The following ITFG1 variants were observed in gnomAD, a reference collection of about 807,000 sequenced individuals.
ITFG1 encodes the protein T-cell immunomodulatory protein.
ITFG1 carries 34 observed loss-of-function variants against 81.8 expected under a neutral mutation model. The observed-to-expected ratio is 0.42, with a 90% CI of 0.32 to 0.55. The LOEUF (loss-of-function observed/expected upper bound fraction) is 0.55, where lower values mean the gene tolerates loss of function less well. Among genes scored for constraint, ITFG1 ranks in the 20% least tolerant of loss-of-function variants. The pLI is 0.17. For synonymous variants in ITFG1, 285 were observed against 270.6 expected, an observed-to-expected ratio of 1.05 and a Z score of -0.52; for missense variants, 672 against 755.4, an observed-to-expected ratio of 0.89 and a Z score of 1.29.
chr16:47,414,557 A>G (rs910573328), intron 6 of ITFG1, among the ~76,000 whole-genome samples: 4 of 151,922 alleles, frequency 2.6e-5, no homozygotes, highest in African/African-American at 9.7e-5. Context: ...AAAACAAACA[A>G]CAACAACAAC....
At chr16:47,412,087 T>C (rs1968818365) in intron 6 of ITFG1, among the ~76,000 whole-genome samples, 2 of 151,780 alleles carry the variant, frequency 1.3e-5, no homozygotes, top group African/African-American at 2.4e-5. Flanking sequence ...TCAAGGGAAA[T>C]ACAGAACATA....
At chr16:47,409,705 C>T (rs1210338372) in intron 6 of ITFG1, among the ~76,000 whole-genome samples, 2 of 151,400 alleles carry the variant, frequency 1.3e-5, no homozygotes, top group Non-Finnish European at 2.9e-5. Context: ...GCGTGAGCCA[C>T]TGCACCTGAC....
intron 6 of ITFG1, among the ~76,000 whole-genome samples, chr16:47,409,506 C>T (rs1476456334): frequency 2.1e-5 from 3 of 143,200 alleles, no homozygotes; most frequent in Non-Finnish European, 4.5e-5. Flanking sequence ...ACCTCCACCT[C>T]CTGGGTTCAA....
chr16:47,326,603 G>T (rs1272712159), intron 8 of ITFG1, among the ~76,000 whole-genome samples: 1 of 152,134 alleles, frequency 6.6e-6, no homozygotes, highest in Admixed American at 6.5e-5. Context: ...ATCTCCTTAA[G>T]CTGATAAGCA....
chr16:47,318,285 TTAA>T (rs1422960566), intron 8 of ITFG1, among the ~76,000 whole-genome samples: 3 of 152,222 alleles, frequency 2.0e-5, no homozygotes, highest in African/African-American at 7.2e-5. Context: ...AATTTCTGAC[TTAA>T]TAATCTTTGA....
Position 47,211,299 on chromosome 16 carries a change from AT to A in ITFG1, c.1453+7568del, listed in dbSNP as rs1965558162. Among the ~76,000 whole-genome samples the A allele has an allele frequency of 2.0e-5, 3 of 152,314 alleles. No individual in the cohort carries two copies. The South Asian group carries it at 6.2e-4, about 32-fold the overall frequency. ...TTTGAGTGATTGAGAATAGAAATGT[AT>A]TTTTAATTTTGGTGTCTATGTATCC... On this transcript the variant is annotated intron_variant, in intron 14 of 17. Transcript: ENST00000320640.
intron 12 of ITFG1, among the ~76,000 whole-genome samples, chr16:47,248,663 G>GT (rs1347452848): frequency 6.6e-6 from 1 of 152,098 alleles, no homozygotes; most frequent in Non-Finnish European, 1.5e-5. Context: ...CTTCAGTTAG[G>GT]TTAAAAACAA....
intron 14 of ITFG1, chr16:47,202,065 T>C (rs1006921743): frequency 3.3e-5 from 5 of 152,256 alleles, no homozygotes; most frequent in African/African-American, 1.2e-4. Context: ...CATGCAGGGC[T>C]AACTCATAGG....
chr16:47,252,626 C>T (rs1966090670), intron 12 of ITFG1, among the ~76,000 whole-genome samples: 1 of 152,200 alleles, frequency 6.6e-6, no homozygotes, highest in African/African-American at 2.4e-5. Context: ...AGGTCCCCGT[C>T]TTCATGTAAG....
intron 8 of ITFG1, among the ~76,000 whole-genome samples, chr16:47,354,632 G>C (rs1186536804): frequency 6.6e-6 from 1 of 151,872 alleles, no homozygotes; most frequent in Non-Finnish European, 1.5e-5. Flanking sequence ...AAATGGAAAA[G>C]GTATTTGCAA....
At chr16:47,193,129 A>G (rs541125058) in intron 14 of ITFG1, among the ~76,000 whole-genome samples, 2 of 151,708 alleles carry the variant, frequency 1.3e-5, no homozygotes, top group South Asian at 4.2e-4. Context: ...ACAACTTCCA[A>G]CCTCTTTACA....
At chr16:47,396,524 TTGTG>T (rs59625674) in intron 6 of ITFG1, among the ~76,000 whole-genome samples, 12 of 149,208 alleles carry the variant, frequency 8.0e-5, no homozygotes, top group East Asian at 3.9e-4. Context: ...AATAATTATT[TTGTG>T]TGTGTGTGTG....
chr16:47,169,536 G>C (rs1383574925), intron 14 of ITFG1, among the ~76,000 whole-genome samples: 2 of 151,500 alleles, frequency 1.3e-5, no homozygotes, highest in Non-Finnish European at 2.9e-5. Context: ...TGTTGATCTT[G>C]TTCCCTATAA....
intron 6 of ITFG1, among the ~76,000 whole-genome samples, chr16:47,426,709 T>C (rs1216882939): frequency 5.9e-5 from 9 of 151,978 alleles, no homozygotes; most frequent in Non-Finnish European, 1.5e-5. Flanking sequence ...GCACTAAATA[T>C]TTTTAACTTT....
intron 8 of ITFG1, among the ~76,000 whole-genome samples, chr16:47,354,257 A>G (rs1415247418): frequency 6.6e-6 from 1 of 152,186 alleles, no homozygotes; most frequent in Non-Finnish European, 1.5e-5. Flanking sequence ...ATGCATCTAC[A>G]GCCAGCTGAT....
chr16:47,236,474 C>CAAAA (rs68028486), intron 13 of ITFG1, among the ~76,000 whole-genome samples: 1 of 52,292 alleles, frequency 1.9e-5, no homozygotes. Context: ...GACTCCATCT[C>CAAAA]AAAAAAAAAA....
At chr16:47,452,102 T>C (rs1969396722) in intron 4 of ITFG1, among the ~76,000 whole-genome samples, 1 of 152,210 alleles carries the variant, frequency 6.6e-6, no homozygotes, top group Non-Finnish European at 1.5e-5. Context: ...GATTAATCCA[T>C]GGATTTACAG....
At chr16:47,246,921 A>G (rs2151537329) in intron 12 of ITFG1, among the ~76,000 whole-genome samples, 1 of 152,052 alleles carries the variant, frequency 6.6e-6, no homozygotes, top group South Asian at 2.1e-4. Flanking sequence ...CAGCCTCCCA[A>G]GTAGCTGGGA....
At chr16:47,381,055 T>C (rs1968390210) in intron 6 of ITFG1, among the ~76,000 whole-genome samples, 1 of 152,222 alleles carries the variant, frequency 6.6e-6, no homozygotes, top group African/African-American at 2.4e-5. Flanking sequence ...TCTCCATTCA[T>C]AGCTTGAAAG....
Sources: gnomAD v4.1 joint callset for allele counts (sites outside exome capture counted in the v4.1 genomes callset) on GRCh38, gnomAD v4.1.1 for gene constraint, MANE v1.5 for transcripts, NCBI Gene and HGNC (gene_info 2026-07-23, HGNC 2026-07-21) for gene names.